Variants in SLC10A7 observed in about 807,000 individuals in gnomAD.
SLC10A7 encodes the protein solute carrier family 10 member 7.
A neutral mutation model predicts 43.2 loss-of-function variants in SLC10A7; 29 were observed. The ratio of observed to expected loss-of-function variants is 0.67; its 90% confidence interval spans 0.50 to 0.92. SLC10A7 has a LOEUF of 0.92. SLC10A7 is among the 40% of genes least tolerant of loss of function. The pLI is 0.00. For synonymous variants in SLC10A7, 152 were observed against 144.8 expected (o/e 1.05, Z -0.35); for missense variants, 295 against 403.2 (o/e 0.73, Z 2.30).
intron 5 of SLC10A7, among the ~76,000 whole-genome samples, chr4:146,418,661 C>A (rs1365879346): frequency 6.6e-6 from 1 of 152,162 alleles, no homozygotes; most frequent in African/African-American, 2.4e-5. Flanking sequence ...TCTTACCACT[C>A]GATACAACAC....
intron 4 of SLC10A7, among the ~76,000 whole-genome samples, chr4:146,467,555 T>C (rs1733148474): frequency 8.8e-6 from 1 of 113,464 alleles, no homozygotes; most frequent in Non-Finnish European, 1.7e-5. Flanking sequence ...TTCTTTTTTC[T>C]TTCTCTCTTT....
intron 1 of SLC10A7, among the ~76,000 whole-genome samples, chr4:146,521,330 G>A (rs1367506265): frequency 1.3e-5 from 2 of 152,028 alleles, no homozygotes; most frequent in Non-Finnish European, 2.9e-5. Flanking sequence ...CTACTTTGAA[G>A]GCAAGAGGAG....
intron 4 of SLC10A7, among the ~76,000 whole-genome samples, chr4:146,490,882 A>G (rs1258761702): frequency 2.0e-5 from 3 of 152,228 alleles, no homozygotes; most frequent in Non-Finnish European, 4.4e-5. Flanking sequence ...AAACTGGATC[A>G]TTCTCCAGCT....
chr4:146,353,947 A>C (rs1437014805), intron 5 of SLC10A7, among the ~76,000 whole-genome samples: 2 of 144,506 alleles, frequency 1.4e-5, no homozygotes, highest in Non-Finnish European at 3.0e-5. Flanking sequence ...AATGGGCAAA[A>C]ACTGGAAGCA....
intron 5 of SLC10A7, among the ~76,000 whole-genome samples, chr4:146,332,923 C>T (rs1733633727): frequency 6.6e-6 from 1 of 152,112 alleles, no homozygotes; most frequent in African/African-American, 2.4e-5. Flanking sequence ...TGTGGTGATC[C>T]CATTAAAGCA....
Position 146,467,655 on chromosome 4 carries a change from C to G in SLC10A7, c.397-24834G>C, listed in dbSNP as rs190441055. The stretch of plus-strand genomic sequence containing the variant: ...TCAGCATACTGCAATCTCTGCCTCC[C>G]AGGTTCAAGTGATTCTTGTGCCTCA... On this transcript the variant is annotated intron_variant, in intron 4 of 11. Transcript: ENST00000335472. Among the ~76,000 whole-genome samples the G allele has an allele frequency of 2.5e-3, 375 of 149,656 alleles. 3 individuals are homozygous for G. The highest frequency in any genetic ancestry group is 9.0e-3 in the African/African-American group (366 of 40,738).
chr4:146,439,778 G>T (rs1387048275), intron 5 of SLC10A7, among the ~76,000 whole-genome samples: 2 of 152,116 alleles, frequency 1.3e-5, no homozygotes, highest in Non-Finnish European at 2.9e-5. Context: ...TTCAAACCCA[G>T]TCTAGCTCCA....
chr4:146,323,898 T>C (rs968878686), intron 6 of SLC10A7, among the ~76,000 whole-genome samples: 27 of 152,290 alleles, frequency 1.8e-4, no homozygotes, highest in African/African-American at 5.8e-4. Context: ...TGTTTGCAGA[T>C]GACATGATTG....
At chr4:146,265,926 C>T (rs546179811) in intron 10 of SLC10A7, among the ~76,000 whole-genome samples, 36 of 152,266 alleles carry the variant, frequency 2.4e-4, no homozygotes, top group Admixed American at 4.6e-4. Context: ...GAAAAACACA[C>T]GTTGTGCCTT....
chr4:146,299,189 T>C (rs1246650568), intron 7 of SLC10A7, among the ~76,000 whole-genome samples: 3 of 152,238 alleles, frequency 2.0e-5, no homozygotes. Context: ...CAAGCGTTTA[T>C]TTTCATAATT....
At chr4:146,450,585 T>C (rs1021906553) in intron 4 of SLC10A7, among the ~76,000 whole-genome samples, 2 of 152,068 alleles carry the variant, frequency 1.3e-5, no homozygotes, top group African/African-American at 2.4e-5. Context: ...GGTGGAGAAC[T>C]GGAAATGAGA....
At chr4:146,481,645 C>T (rs2149986885) in intron 4 of SLC10A7, among the ~76,000 whole-genome samples, 1 of 152,316 alleles carries the variant, frequency 6.6e-6, no homozygotes, top group South Asian at 2.1e-4. Flanking sequence ...ATAACTGCAT[C>T]CCAGCCCAGG....
chr4:146,315,095 A>G (rs548403863), intron 6 of SLC10A7, among the ~76,000 whole-genome samples: 1 of 152,224 alleles, frequency 6.6e-6, no homozygotes, highest in African/African-American at 2.4e-5. Flanking sequence ...GTTAACTACT[A>G]CGGAGACTGG....
rs145707938 is a variant in SLC10A7 at position 146,503,812 on chromosome 4, T to C, written c.396+37A>G. The C allele has an allele frequency of 5.4e-4, 844 of 1,569,316 alleles. 12 individuals are homozygous for C. The Admixed American group carries it at 0.014, about 26-fold the overall frequency. On this transcript the variant is annotated intron_variant, in intron 4 of 11. Transcript: ENST00000335472. ...ATATTTTTGAAATAAAAGCACAGCA[T>C]GCACTTATGTTTAAATAAGGTAGCC...
intron 5 of SLC10A7, among the ~76,000 whole-genome samples, chr4:146,340,633 T>C (rs1013384305): frequency 1.3e-5 from 2 of 151,848 alleles, no homozygotes; most frequent in Admixed American, 1.3e-4. Flanking sequence ...TGAGTCATTT[T>C]TAGTTACATA....
At chr4:146,412,949 C>G (rs1393124352) in intron 5 of SLC10A7, among the ~76,000 whole-genome samples, 3 of 152,090 alleles carry the variant, frequency 2.0e-5, no homozygotes, top group African/African-American at 7.2e-5. Context: ...CAATGTCTAG[C>G]TTAGTTCCAG....
At chr4:146,397,420 A>G (rs762954804) in intron 5 of SLC10A7, among the ~76,000 whole-genome samples, 56 of 152,322 alleles carry the variant, frequency 3.7e-4, no homozygotes, top group Non-Finnish European at 6.2e-4. Flanking sequence ...CTTTAGAAAC[A>G]CATCCCCAAT....
intron 2 of SLC10A7, among the ~76,000 whole-genome samples, chr4:146,511,837 C>A (rs887581083): frequency 6.6e-6 from 1 of 152,080 alleles, no homozygotes; most frequent in Admixed American, 6.5e-5. Flanking sequence ...TTCTCAACAG[C>A]CTTGAAGCCA....
intron 4 of SLC10A7, among the ~76,000 whole-genome samples, chr4:146,503,093 G>A (rs1049998802): frequency 6.6e-6 from 1 of 152,118 alleles, no homozygotes; most frequent in African/African-American, 2.4e-5. Flanking sequence ...AATATTTTTG[G>A]AAAGCATAAA....
Sources: gnomAD v4.1 joint callset for allele counts (sites outside exome capture counted in the v4.1 genomes callset) on GRCh38, gnomAD v4.1.1 for gene constraint, MANE v1.5 for transcripts, NCBI Gene and HGNC (gene_info 2026-07-23, HGNC 2026-07-21) for gene names.